NRG3: variants seen among roughly 807,000 people sequenced by gnomAD.
The protein encoded by NRG3 is neuregulin 3.
In NRG3, 31 loss-of-function variants were observed where a neutral mutation model predicts 66.9. That is an observed-to-expected ratio of 0.46 (90% confidence interval 0.35 to 0.63). The LOEUF (loss-of-function observed/expected upper bound fraction) is 0.63. Among genes scored for constraint, NRG3 ranks in the 20% least tolerant of loss-of-function variants. The probability of loss-of-function intolerance (pLI) is 0.00; values close to 1 mark genes in which losing one functional copy is unlikely to be tolerated. For synonymous variants in NRG3, 393 were observed against 359.4 expected (o/e 1.09, Z -1.06); for missense variants, 910 against 878.9 (o/e 1.04, Z -0.45).
At position 82,122,352 on chromosome 10, in the gene NRG3, G is replaced by T. The variant is rs373871612; in HGVS notation, c.824-236387G>T. 2.6e-5 allele frequency among the ~76,000 whole-genome samples: 4 copies of T among 152,256 alleles called. No homozygotes were observed. The East Asian group carries it at 5.8e-4, about 22-fold the overall frequency. On this transcript the variant is annotated intron_variant, in intron 1 of 8. Transcript: ENST00000372141. ...TGGCATTTGGTTTGCTGCTGGCATA[G>T]TATTTGCTTTTCCTGCTTTTGCTTA...
chr10:82,126,277 T>G (rs1426027776), intron 1 of NRG3, among the ~76,000 whole-genome samples: 1 of 152,088 alleles, frequency 6.6e-6, no homozygotes, highest in Non-Finnish European at 1.5e-5. Context: ...CTTTAACAAA[T>G]AAATTCTAAA....
intron 2 of NRG3, among the ~76,000 whole-genome samples, chr10:82,699,257 AAGGAAG>A (rs2055645869): frequency 1.4e-5 from 1 of 72,516 alleles, no homozygotes; most frequent in African/African-American, 1.2e-4. Context: ...AGAGGGAAGG[AAGGAAG>A]GAAGGAAGGA....
intron 2 of NRG3, among the ~76,000 whole-genome samples, chr10:82,688,406 C>T (rs1311702941): frequency 6.6e-6 from 1 of 152,094 alleles, no homozygotes; most frequent in Non-Finnish European, 1.5e-5. Context: ...ATGTTCTTTC[C>T]TAAAAAATCC....
chr10:82,536,573 G>C (rs79611671), intron 2 of NRG3, among the ~76,000 whole-genome samples: 1,612 of 152,184 alleles, frequency 0.011, 29 homozygotes, highest in African/African-American at 0.036. Context: ...TTTACAAGTG[G>C]TTAAAACTTT....
chr10:82,969,145 C>T (rs1851497643), intron 6 of NRG3, among the ~76,000 whole-genome samples: 1 of 152,156 alleles, frequency 6.6e-6, no homozygotes, highest in African/African-American at 2.4e-5. Context: ...TATCACAGCT[C>T]TCTGCAGTTG....
At position 82,334,036 on chromosome 10, in the gene NRG3, G is replaced by A. The variant is rs193222100; in HGVS notation, c.824-24703G>A. On this transcript the variant is annotated intron_variant, in intron 1 of 8. Coordinates refer to ENST00000372141, the MANE Select transcript of NRG3 (RefSeq NM_001010848.4). ...ACTAAAATAATTAGCTGGGCCTGGT[G>A]GCGGGCGCCTGTAGTCCCAGCTACT... Among the ~76,000 whole-genome samples the A allele has an allele frequency of 7.9e-5, 12 of 152,048 alleles. No individual in the cohort carries two copies. In the East Asian group the frequency reaches 2.3e-3, roughly 30 times the overall value.
At chr10:82,605,983 A>G (rs2047939803) in intron 2 of NRG3, among the ~76,000 whole-genome samples, 1 of 152,042 alleles carries the variant, frequency 6.6e-6, no homozygotes, top group African/African-American at 2.4e-5. Flanking sequence ...GAGGTTTTTC[A>G]AAGAATCAGA....
At chr10:82,255,914 T>C (rs916309379) in intron 1 of NRG3, among the ~76,000 whole-genome samples, 5 of 151,430 alleles carry the variant, frequency 3.3e-5, no homozygotes, top group African/African-American at 1.2e-4. Flanking sequence ...AATTTTTCAA[T>C]AAATCTGAAA....
intron 1 of NRG3, among the ~76,000 whole-genome samples, chr10:82,252,255 T>C (rs187888054): frequency 6.6e-6 from 1 of 152,148 alleles, no homozygotes; most frequent in Non-Finnish European, 1.5e-5. Flanking sequence ...GTACAAAAAA[T>C]TTTTTTCCCT....
chr10:82,619,301 CA>C (rs1183245589), intron 2 of NRG3, among the ~76,000 whole-genome samples: 2 of 152,042 alleles, frequency 1.3e-5, no homozygotes, highest in Non-Finnish European at 2.9e-5. Flanking sequence ...CCTTTAATAC[CA>C]GTGTGAGCTG....
intron 1 of NRG3, among the ~76,000 whole-genome samples, chr10:82,332,119 A>C (rs1393995780): frequency 6.6e-6 from 1 of 152,250 alleles, no homozygotes; most frequent in Non-Finnish European, 1.5e-5. Flanking sequence ...CTTGAGTACC[A>C]GAGAAGGATC....
At chr10:82,385,542 C>T (rs1349152256) in intron 2 of NRG3, among the ~76,000 whole-genome samples, 1 of 152,094 alleles carries the variant, frequency 6.6e-6, no homozygotes, top group African/African-American at 2.4e-5. Context: ...AAACATTTCT[C>T]ATGGTTTTTC....
At chr10:81,933,016 G>A (rs1366110042) in intron 1 of NRG3, among the ~76,000 whole-genome samples, 1 of 150,086 alleles carries the variant, frequency 6.7e-6, no homozygotes, top group Non-Finnish European at 1.5e-5. Flanking sequence ...GGCTGAGGCA[G>A]AGAATTGCTT....
At chr10:82,810,737 T>TAAAA (rs750726119) in intron 3 of NRG3, among the ~76,000 whole-genome samples, 5 of 69,984 alleles carry the variant, frequency 7.1e-5, no homozygotes, top group South Asian at 5.5e-4. Flanking sequence ...CACTCCAGCC[T>TAAAA]AAAAAAAAAA....
intron 3 of NRG3, among the ~76,000 whole-genome samples, chr10:82,764,741 G>A (rs951487868): frequency 2.6e-5 from 4 of 152,110 alleles, no homozygotes; most frequent in African/African-American, 9.7e-5. Context: ...TAAAAGCAGT[G>A]CAAAGTCAGT....
At chr10:82,483,556 C>G (rs1438457527) in intron 2 of NRG3, among the ~76,000 whole-genome samples, 2 of 152,098 alleles carry the variant, frequency 1.3e-5, no homozygotes, top group African/African-American at 2.4e-5. Flanking sequence ...AGGTGTTTCC[C>G]CTCTGTTTAA....
chr10:82,378,453 C>T (rs1589910247), intron 2 of NRG3, among the ~76,000 whole-genome samples: 1 of 152,280 alleles, frequency 6.6e-6, no homozygotes, highest in Non-Finnish European at 1.5e-5. Flanking sequence ...TAGATTTAAG[C>T]CTGGATCCCT....
At chr10:82,500,926 G>A (rs932466338) in intron 2 of NRG3, among the ~76,000 whole-genome samples, 20 of 152,070 alleles carry the variant, frequency 1.3e-4, no homozygotes, top group African/African-American at 4.4e-4. Context: ...TGAGAGGTAA[G>A]GATGGAGTAT....
chr10:82,468,416 A>T (rs1362980231), intron 2 of NRG3, among the ~76,000 whole-genome samples: 2 of 133,664 alleles, frequency 1.5e-5, no homozygotes, highest in Non-Finnish European at 3.2e-5. Flanking sequence ...GAGAGGCTGA[A>T]TCATTGAGGT....
Sources: allele counts gnomAD v4.1 joint callset (sites outside exome capture counted in the v4.1 genomes callset), GRCh38; gene constraint gnomAD v4.1.1; transcripts MANE v1.5; gene names NCBI Gene and HGNC (gene_info 2026-07-23, HGNC 2026-07-21).